CSMD1: variants seen among roughly 807,000 people sequenced by gnomAD.
CSMD1 encodes CUB and sushi domain-containing protein 1.
A neutral mutation model predicts 417.5 loss-of-function variants in CSMD1; 213 were observed. The observed-to-expected ratio is 0.51, with a 90% CI of 0.46 to 0.57. CSMD1 has a LOEUF of 0.57. Among genes scored for constraint, CSMD1 ranks in the 20% least tolerant of loss-of-function variants. The probability of loss-of-function intolerance (pLI) is 0.00; values close to 1 mark genes in which losing one functional copy is unlikely to be tolerated. For synonymous variants in CSMD1, 2,862 were observed against 1,736.8 expected, an observed-to-expected ratio of 1.65 and a Z score of -16.11; for missense variants, 6,923 against 4,529.7, an observed-to-expected ratio of 1.53 and a Z score of -15.17.
chr8:4,913,339 C>A (rs1445292805), intron 1 of CSMD1, among the ~76,000 whole-genome samples: 2 of 152,208 alleles, frequency 1.3e-5, no homozygotes, highest in African/African-American at 4.8e-5. Flanking sequence ...TTTACAGCCT[C>A]ACCTCTGTCC....
intron 2 of CSMD1, among the ~76,000 whole-genome samples, chr8:4,627,909 T>A (rs538682524): frequency 1.4e-4 from 21 of 152,240 alleles, no homozygotes; most frequent in South Asian, 4.1e-4. Context: ...TCATGTGAGA[T>A]ATCCTGTCCA....
At chr8:3,139,572 G>A (rs571049414) in intron 41 of CSMD1, among the ~76,000 whole-genome samples, 100 of 152,258 alleles carry the variant, frequency 6.6e-4, no homozygotes, top group Non-Finnish European at 1.3e-3. Flanking sequence ...TAAATAGATA[G>A]GAGAAGTGAA....
chr8:3,304,346 G>A (rs1159390473), intron 25 of CSMD1, among the ~76,000 whole-genome samples: 1 of 152,076 alleles, frequency 6.6e-6, no homozygotes, highest in South Asian at 2.1e-4. Flanking sequence ...TCAAGGCTAA[G>A]ACCAGACACC....
chr8:3,561,282 G>T (rs943769383), intron 10 of CSMD1, among the ~76,000 whole-genome samples: 1 of 152,106 alleles, frequency 6.6e-6, no homozygotes, highest in Non-Finnish European at 1.5e-5. Flanking sequence ...TCTACTACTA[G>T]GTATCTACTC....
At chr8:4,650,790 T>C (rs1803846632) in intron 1 of CSMD1, among the ~76,000 whole-genome samples, 1 of 152,254 alleles carries the variant, frequency 6.6e-6, no homozygotes, top group Admixed American at 6.5e-5. Context: ...ATCTAGATTC[T>C]ATTCTTCTTT....
chr8:4,665,684 T>A (rs1469039796), intron 1 of CSMD1, among the ~76,000 whole-genome samples: 1 of 152,218 alleles, frequency 6.6e-6, no homozygotes, highest in Non-Finnish European at 1.5e-5. Context: ...CGCTGTTGCA[T>A]GGATCCATAA....
chr8:3,540,283 A>G (rs928988175), intron 10 of CSMD1, among the ~76,000 whole-genome samples: 3 of 152,216 alleles, frequency 2.0e-5, no homozygotes, highest in Non-Finnish European at 4.4e-5. Flanking sequence ...TCATTTGGCA[A>G]ACAGAGTTGA....
At chr8:3,056,688 G>A (rs1369736518) in intron 49 of CSMD1, among the ~76,000 whole-genome samples, 1 of 151,962 alleles carries the variant, frequency 6.6e-6, no homozygotes, top group Non-Finnish European at 1.5e-5. Flanking sequence ...GATTTCTGAG[G>A]ATTTTTAAGT....
intron 5 of CSMD1, among the ~76,000 whole-genome samples, chr8:3,823,700 T>C (rs1187393705): frequency 6.6e-6 from 1 of 152,172 alleles, no homozygotes; most frequent in Non-Finnish European, 1.5e-5. Context: ...GTTTGAACCA[T>C]TTAACTTACG....
chr8:4,563,586 G>C (rs2927551), intron 2 of CSMD1, among the ~76,000 whole-genome samples: 4 of 152,156 alleles, frequency 2.6e-5, no homozygotes, highest in Non-Finnish European at 5.9e-5. Context: ...TAAATGAGTT[G>C]AAGACAATGA....
chr8:4,752,482 C>G (rs1585044209), intron 1 of CSMD1, among the ~76,000 whole-genome samples: 1 of 152,132 alleles, frequency 6.6e-6, no homozygotes, highest in African/African-American at 2.4e-5. Flanking sequence ...GAGATCTTTG[C>G]TAGTGGCTTT....
chr8:3,921,295 C>T (rs1043419084), intron 5 of CSMD1, among the ~76,000 whole-genome samples: 1 of 152,066 alleles, frequency 6.6e-6, no homozygotes, highest in East Asian at 1.9e-4. Flanking sequence ...TGAGTCTTCT[C>T]TTTTCTACTT....
intron 5 of CSMD1, among the ~76,000 whole-genome samples, chr8:3,838,536 T>A (rs1176205342): frequency 1.8e-5 from 2 of 111,432 alleles, no homozygotes; most frequent in Admixed American, 8.9e-5. Flanking sequence ...ATATATATAG[T>A]CTATATATGT....
At position 4,532,124 on chromosome 8, in the gene CSMD1, CGG is replaced by C. The variant is rs1563262268; in HGVS notation, c.302+105216_302+105217del. On this transcript the variant is annotated intron_variant, in intron 2 of 69. Coordinates refer to ENST00000635120, the MANE Select transcript of CSMD1 (RefSeq NM_033225.6). The stretch of plus-strand genomic sequence containing the variant: ...CCTGCACCGCCATTCACAGTCACTC[CGG>C]AAGAGAAATCCTGCAAGCCCATTCA... 1.4e-3 allele frequency among the ~76,000 whole-genome samples: 182 copies of C among 131,912 alleles called. 3 individuals carry two copies. The highest frequency in any genetic ancestry group is 5.0e-3 in the African/African-American group (169 of 33,674). The allele number at this position is 131,912 out of a possible 152,430, so 86.5% of individuals were successfully genotyped here.
At chr8:4,612,302 G>C (rs774786930) in intron 2 of CSMD1, among the ~76,000 whole-genome samples, 14 of 151,918 alleles carry the variant, frequency 9.2e-5, no homozygotes, top group Non-Finnish European at 1.9e-4. Flanking sequence ...AAAATACCTT[G>C]TTTCCTTTTT....
intron 6 of CSMD1, among the ~76,000 whole-genome samples, chr8:3,735,317 C>T (rs374068955): frequency 1.1e-5 from 1 of 92,588 alleles, no homozygotes; most frequent in Non-Finnish European, 2.8e-5. Context: ...ACAAACAAAA[C>T]ACACAAACAC....
At chr8:3,050,484 T>C (rs973416792) in intron 50 of CSMD1, among the ~76,000 whole-genome samples, 5 of 152,188 alleles carry the variant, frequency 3.3e-5, no homozygotes, top group African/African-American at 1.2e-4. Context: ...GGGACATTGT[T>C]CTTATTAAAA....
intron 2 of CSMD1, among the ~76,000 whole-genome samples, chr8:4,511,801 G>T (rs1007142503): frequency 1.2e-4 from 18 of 152,166 alleles, no homozygotes; most frequent in South Asian, 8.3e-4. Context: ...ATCATCAGGG[G>T]TCTACACATT....
chr8:3,187,665 T>C (rs2125952), intron 36 of CSMD1, among the ~76,000 whole-genome samples: 68,917 of 151,924 alleles, frequency 0.45, 15,838 homozygotes, highest in South Asian at 0.58. Context: ...ATTGGTCTCC[T>C]CCTCGTGGAG....
Sources: gnomAD v4.1 joint callset for allele counts (sites outside exome capture counted in the v4.1 genomes callset) on GRCh38, gnomAD v4.1.1 for gene constraint, MANE v1.5 for transcripts, NCBI Gene and HGNC (gene_info 2026-07-23, HGNC 2026-07-21) for gene names.